BIRC6: variants seen among roughly 807,000 people sequenced by gnomAD.
The protein encoded by BIRC6 is dual E2 ubiquitin-conjugating enzyme/E3 ubiquitin-protein ligase BIRC6.
BIRC6 carries 98 observed loss-of-function variants against 503.3 expected under a neutral mutation model. The ratio of observed to expected loss-of-function variants is 0.19; its 90% CI spans 0.17 to 0.23. The LOEUF (loss-of-function observed/expected upper bound fraction) is 0.23. Ranked by LOEUF, BIRC6 falls within the 10% of genes least tolerant of loss-of-function variation. BIRC6 has a pLI of 1.00. For missense variants in BIRC6, 5,360 were observed against 5,806.0 expected, an observed-to-expected ratio of 0.92 and a Z score of 2.50; for synonymous variants, 2,240 against 2,078.7, an observed-to-expected ratio of 1.08 and a Z score of -2.11.
rs114847669 is a variant in BIRC6, at chr2:32,376,832, G to A, written c.326-756G>A. On this transcript the variant is annotated intron_variant, in intron 1 of 73. Transcript: ENST00000421745. ...ATAGAACAATTACAATATATTAGGA[G>A]TTATGTGAATGTGGTCTCTCAGAAT... 7.5e-3 allele frequency among the ~76,000 whole-genome samples: 1,138 copies of A among 152,286 alleles called. 8 individuals are homozygous for A. Among genetic ancestry groups the A allele is most frequent in the Middle Eastern group, 0.02 (6 of 294 alleles).
chr2:32,502,471 T>C (rs903300073), intron 47 of BIRC6, among the ~76,000 whole-genome samples: 2 of 152,188 alleles, frequency 1.3e-5, no homozygotes, highest in African/African-American at 4.8e-5. Context: ...TGTAAACATT[T>C]GTTGAATGTG....
intron 45 of BIRC6, among the ~76,000 whole-genome samples, chr2:32,497,966 C>G (rs1249013067): frequency 6.6e-6 from 1 of 152,072 alleles, no homozygotes; most frequent in Non-Finnish European, 1.5e-5. Context: ...TTTATTTCAT[C>G]TATTTTTGAT....
At chr2:32,428,552 TCTTC>T (rs2043773566) in intron 10 of BIRC6, among the ~76,000 whole-genome samples, 1 of 152,360 alleles carries the variant, frequency 6.6e-6, no homozygotes, top group African/African-American at 2.4e-5. Context: ...GGATTTATCA[TCTTC>T]CTTCTTCTGC....
At chr2:32,509,315 T>C (rs1572702708) in intron 51 of BIRC6, among the ~76,000 whole-genome samples, 1 of 152,110 alleles carries the variant, frequency 6.6e-6, no homozygotes, top group African/African-American at 2.4e-5. Context: ...AGTGCAGTGG[T>C]GCAGTCTAGA....
intron 69 of BIRC6, among the ~76,000 whole-genome samples, chr2:32,598,922 T>A (rs141784402): frequency 9.5e-4 from 141 of 149,130 alleles, no homozygotes; most frequent in African/African-American, 3.4e-3. Flanking sequence ...CTTGGCAGGC[T>A]GTGTCTGGGG....
intron 61 of BIRC6, among the ~76,000 whole-genome samples, chr2:32,534,170 T>C (rs937318178): frequency 7.9e-5 from 12 of 151,594 alleles, no homozygotes; most frequent in Non-Finnish European, 1.8e-4. Flanking sequence ...GGTCAGCAGT[T>C]CGAGATCAGC....
At chr2:32,564,683 G>A (rs917773028) in intron 65 of BIRC6, 11 of 152,194 alleles carry the variant, frequency 7.2e-5, no homozygotes, top group Non-Finnish European at 1.5e-4. Context: ...CCCCATGAGT[G>A]GGGGCTGGCT....
intron 64 of BIRC6, among the ~76,000 whole-genome samples, chr2:32,548,282 A>C (rs1307688505): frequency 3.4e-5 from 5 of 148,394 alleles, no homozygotes; most frequent in South Asian, 2.1e-4. Context: ...ATCTTCCTAC[A>C]GGCATTTTCT....
At chr2:32,611,967 C>T (rs2062907617) in intron 73 of BIRC6, among the ~76,000 whole-genome samples, 1 of 152,166 alleles carries the variant, frequency 6.6e-6, no homozygotes, top group East Asian at 1.9e-4. Flanking sequence ...CCTTGAACTC[C>T]TGGGCTCAAG....
intron 33 of BIRC6, among the ~76,000 whole-genome samples, chr2:32,475,160 A>T (rs1037573906): frequency 6.3e-5 from 1 of 15,808 alleles, no homozygotes; most frequent in Non-Finnish European, 1.5e-4. Flanking sequence ...AGACTATCTT[A>T]AAAAAAAAAA....
chr2:32,482,527 A>G lies in BIRC6; in HGVS notation c.7641A>G (p.Pro2547=), dbSNP rs749531835. 53 of 1,613,870 alleles carry G rather than the reference A, an allele frequency of 3.3e-5. 2 individuals are homozygous for G. In the South Asian group the frequency reaches 5.8e-4, roughly 18 times the overall value. ...GTCTGGGAATTCCTGTAGCAAAGCC[A>G]CCAGCAAACACGGAGAAGAACGGAT... is the stretch of plus-strand genomic sequence containing the variant. ...IGGLGIPVAK[P]PANTEKNGSQ... Residue 2547 remains proline (P), a synonymous_variant, in exon 39 of 74, where the codon CCA becomes CCG. Transcript: ENST00000421745.
At chr2:32,608,733 A>T (rs921298866) in intron 72 of BIRC6, among the ~76,000 whole-genome samples, 1 of 152,010 alleles carries the variant, frequency 6.6e-6, no homozygotes, top group Non-Finnish European at 1.5e-5. Flanking sequence ...TATTTTTATT[A>T]GTTACCCTTC....
chr2:32,409,232 T>C (rs2041586989), intron 9 of BIRC6, among the ~76,000 whole-genome samples: 1 of 152,188 alleles, frequency 6.6e-6, no homozygotes, highest in African/African-American at 2.4e-5. Flanking sequence ...GGATCTTGGC[T>C]CACTGCAACC....
intron 66 of BIRC6, among the ~76,000 whole-genome samples, chr2:32,587,673 G>A (rs980882086): frequency 2.3e-4 from 35 of 152,110 alleles, no homozygotes; most frequent in Admixed American, 2.0e-3. Context: ...GCAGTGAGCC[G>A]AGATCACGCC....
chr2:32,357,821 G>A lies in BIRC6; in HGVS notation c.325+335G>A, dbSNP rs932160657. Among the ~76,000 whole-genome samples, 10 of 152,136 alleles carry A rather than the reference G, an allele frequency of 6.6e-5. No individual in the cohort carries two copies. The highest frequency in any genetic ancestry group is 1.2e-4 in the Non-Finnish European group (8 of 68,014). ...AGGAAGCGAGGCCCGGGTAGGCCCTGGAGAGGCTGTCGGTCCTGCGTCCGG... is the reference window on the plus strand; with the variant it reads ...AGGAAGCGAGGCCCGGGTAGGCCCTAGAGAGGCTGTCGGTCCTGCGTCCGG... On this transcript the variant is annotated intron_variant, in intron 1 of 73. Transcript: ENST00000421745. This position sits in a 1 kb window ranked among gnomAD's most constrained non-coding sequence, Gnocchi z 4.9.
intron 23 of BIRC6, among the ~76,000 whole-genome samples, chr2:32,455,146 A>G (rs554021404): frequency 5.5e-4 from 83 of 152,192 alleles, no homozygotes; most frequent in Middle Eastern, 3.4e-3. Flanking sequence ...TGGGAGGCCA[A>G]GGTGGGCGGA....
intron 66 of BIRC6, among the ~76,000 whole-genome samples, chr2:32,584,485 A>G (rs552183737): frequency 7.2e-4 from 110 of 152,272 alleles, no homozygotes; most frequent in African/African-American, 2.5e-3. Context: ...GTGAGCCAAG[A>G]TAGTGCCATT....
chr2:32,469,124 G>A (rs557214787), intron 29 of BIRC6, among the ~76,000 whole-genome samples: 1 of 152,092 alleles, frequency 6.6e-6, no homozygotes, highest in Non-Finnish European at 1.5e-5. Flanking sequence ...AGGTATTTTT[G>A]ATCATTACAC....
At chr2:32,378,210 C>T (rs2037104914) in intron 2 of BIRC6, among the ~76,000 whole-genome samples, 1 of 152,068 alleles carries the variant, frequency 6.6e-6, no homozygotes. Context: ...TGGCATCTCT[C>T]TCTTCTCTCC....
Sources: gnomAD v4.1 joint callset for allele counts (sites outside exome capture counted in the v4.1 genomes callset) on GRCh38, gnomAD v4.1.1 for gene constraint, Gnocchi (gnomAD v3.1) non-coding constraint, MANE v1.5 for transcripts, NCBI Gene and HGNC (gene_info 2026-07-23, HGNC 2026-07-21) for gene names.